Variants in ATP8A1 observed in about 807,000 individuals in gnomAD.
The protein encoded by ATP8A1 is ATPase phospholipid transporting 8A1.
ATP8A1 carries 90 observed loss-of-function variants against 177.7 expected under a neutral mutation model. The observed-to-expected ratio is 0.51, with a 90% CI of 0.43 to 0.60. The LOEUF is 0.60. ATP8A1 is among the 20% of genes least tolerant of loss of function. The pLI, the probability that ATP8A1 is intolerant of heterozygous loss-of-function variation, is 0.00. For missense variants in ATP8A1, 1,072 were observed against 1,392.8 expected (o/e 0.77, Z 3.67); for synonymous variants, 493 against 485.9 (o/e 1.01, Z -0.19).
intron 22 of ATP8A1, among the ~76,000 whole-genome samples, chr4:42,509,827 G>A (rs1724816179): frequency 6.9e-6 from 1 of 144,014 alleles, no homozygotes; most frequent in Admixed American, 7.2e-5. Context: ...ACTCCAGCCT[G>A]GGCAACAGAG....
At chr4:42,553,827 A>G (rs113704361) in intron 16 of ATP8A1, among the ~76,000 whole-genome samples, 4,297 of 152,278 alleles carry the variant, frequency 0.028, 191 homozygotes, top group African/African-American at 0.098. Context: ...GAATATGCAA[A>G]TATCATGTAA....
intron 20 of ATP8A1, among the ~76,000 whole-genome samples, chr4:42,530,987 A>C (rs533008498): frequency 2.9e-4 from 44 of 152,170 alleles, no homozygotes; most frequent in Non-Finnish European, 4.6e-4. Context: ...CACAACAATG[A>C]TTCAATTAAA....
rs1712648112 is a variant in ATP8A1 at position 42,411,809 on chromosome 4, C to T, written c.*1107G>A. 6.6e-6 allele frequency: 1 copy of T among 152,098 alleles called. No homozygotes were observed. The highest frequency in any genetic ancestry group is 1.5e-5 in the Non-Finnish European group (1 of 68,024). 9.4% of individuals were successfully genotyped at this position (152,098 alleles called of 1,614,324 possible). ...TTTTGGGAACTATTTGATGAGTGAA[C>T]TGTGAAATAATTTTCAGTCTTCAGT... On this transcript the variant is annotated 3_prime_UTR_variant, in exon 37 of 37. Transcript: ENST00000381668.
At chr4:42,519,282 G>A (rs561913093) in intron 22 of ATP8A1, among the ~76,000 whole-genome samples, 1 of 152,104 alleles carries the variant, frequency 6.6e-6, no homozygotes, top group Admixed American at 6.6e-5. Flanking sequence ...TACAGAGATG[G>A]AGTCTCCCCC....
chr4:42,432,311 T>A (rs10938191), intron 33 of ATP8A1, among the ~76,000 whole-genome samples: 2 of 152,024 alleles, frequency 1.3e-5, no homozygotes, highest in South Asian at 4.2e-4. Flanking sequence ...AATATTAATA[T>A]CTATATTTTT....
At chr4:42,485,745 G>T in intron 24 of ATP8A1, 77 bp from the exon 25 acceptor site, 1 of 1,229,390 alleles carries the variant, frequency 8.1e-7, no homozygotes, top group Non-Finnish European at 1.1e-6. Context: ...AGGATATTTG[G>T]CAACTACATT....
intron 8 of ATP8A1, among the ~76,000 whole-genome samples, chr4:42,587,700 G>A (rs1228968533): frequency 3.3e-5 from 5 of 150,964 alleles, no homozygotes; most frequent in Non-Finnish European, 7.4e-5. Context: ...TCCGCCTCCC[G>A]GGTTCACGCC....
chr4:42,464,945 C>G lies in ATP8A1; in HGVS notation c.2456G>C (p.Ser819Thr). ...IQTAHVGVGI[S>T]GNEGLQAANS... ...AGCTGCCTGCAGGCCTTCATTGCCACTGATACCAACACCAACGTGCGCTGT... is the reference window on the plus strand; with the variant it reads ...AGCTGCCTGCAGGCCTTCATTGCCAGTGATACCAACACCAACGTGCGCTGT... Residue 819 changes from serine to threonine, a missense_variant, in exon 26 of 37, where the codon AGT (serine) becomes ACT (threonine). By Grantham distance (58) the Ser-to-Thr change is moderately conservative. This residue lies in a region of ATP8A1 where 316 missense variants were observed against 459.1 expected (regional missense o/e 0.69). Transcript: ENST00000381668. 1 of 1,614,242 alleles carries G rather than the reference C, an allele frequency of 6.2e-7. No individual in the cohort carries two copies. The highest frequency in any genetic ancestry group is 8.5e-7 in the Non-Finnish European group (1 of 1,180,040).
intron 35 of ATP8A1, among the ~76,000 whole-genome samples, chr4:42,417,683 A>C (rs1713402214): frequency 6.6e-6 from 1 of 152,248 alleles, no homozygotes; most frequent in South Asian, 2.1e-4. Context: ...GGAAACTTGA[A>C]GAGGAATAAA....
chr4:42,631,612 A>G (rs1738744405), intron 1 of ATP8A1, among the ~76,000 whole-genome samples: 1 of 152,242 alleles, frequency 6.6e-6, no homozygotes, highest in Non-Finnish European at 1.5e-5. Flanking sequence ...AGGCCATGAT[A>G]CTTCAAGTCT....
intron 1 of ATP8A1, among the ~76,000 whole-genome samples, chr4:42,635,762 C>A (rs2612517): frequency 1.3e-5 from 1 of 76,316 alleles, no homozygotes; most frequent in Non-Finnish European, 2.6e-5. Context: ...TATACACACA[C>A]ACACACACAC....
intron 5 of ATP8A1, among the ~76,000 whole-genome samples, chr4:42,614,448 A>T (rs1236067513): frequency 1.3e-5 from 2 of 152,244 alleles, no homozygotes; most frequent in Non-Finnish European, 2.9e-5. Flanking sequence ...TGCCAAAAAT[A>T]CCAGGCTTGA....
intron 14 of ATP8A1, among the ~76,000 whole-genome samples, chr4:42,572,859 C>G (rs1732045738): frequency 6.6e-6 from 1 of 152,138 alleles, no homozygotes; most frequent in South Asian, 2.1e-4. Flanking sequence ...ATGGTAAATT[C>G]TAGACAAAGC....
chr4:42,444,434 C>T (rs554824411), intron 32 of ATP8A1, 144 bp downstream of exon 32: 4 of 720,386 alleles, frequency 5.6e-6, no homozygotes, highest in African/African-American at 1.8e-5. Context: ...CTTCCCCTAC[C>T]CCTGACACCC....
chr4:42,646,872 A>G (rs1740592503), intron 1 of ATP8A1, among the ~76,000 whole-genome samples: 1 of 152,218 alleles, frequency 6.6e-6, no homozygotes. Flanking sequence ...TAATCCATGA[A>G]GCCAAGTTCT....
chr4:42,515,293 G>C (rs944785788), intron 22 of ATP8A1, among the ~76,000 whole-genome samples: 1 of 152,222 alleles, frequency 6.6e-6, no homozygotes, highest in African/African-American at 2.4e-5. Flanking sequence ...TAGCACAAAT[G>C]AAAGTGATAT....
Position 42,579,978 on chromosome 4 carries a change from T to A in ATP8A1, c.835A>T (p.Asn279Tyr), listed in dbSNP as rs779268821. Residue 279 changes from asparagine to tyrosine, a missense_variant and splice_region_variant, in exon 11 of 37, where the codon AAT becomes TAT. Physicochemically the swap from Asn to Tyr is moderately radical, Grantham distance 143 (BLOSUM62 -2). Around this residue, in one of 5 missense-constraint regions of ATP8A1, gnomAD observed 344 missense variants for 393.5 expected, o/e 0.87. Transcript: ENST00000381668. ...YTGHDTKLMQ[N>Y]STSPPLKLSN... Reference sequence around the variant, plus strand: ...AGCTTAAGTGGTGGACTTGTTGAATTCTGTAAAAAGAAACAAGATGAGTAA... The same window carrying A: ...AGCTTAAGTGGTGGACTTGTTGAATACTGTAAAAAGAAACAAGATGAGTAA... 6.3e-7 allele frequency: 1 copy of A among 1,593,838 alleles called. No individual in the cohort carries two copies.
chr4:42,640,373 T>A (rs1739851608), intron 1 of ATP8A1, among the ~76,000 whole-genome samples: 1 of 152,212 alleles, frequency 6.6e-6, no homozygotes, highest in Non-Finnish European at 1.5e-5. Context: ...CTAAAAAAGG[T>A]CCTTTACATT....
intron 25 of ATP8A1, among the ~76,000 whole-genome samples, chr4:42,478,117 G>C (rs5028896): frequency 0.068 from 10,290 of 152,156 alleles, 1,120 homozygotes; most frequent in African/African-American, 0.23. Context: ...CCCTTTGGGA[G>C]ACTGAGGCAG....
Sources: allele counts gnomAD v4.1 joint callset (sites outside exome capture counted in the v4.1 genomes callset), GRCh38; gene constraint gnomAD v4.1.1; regional missense constraint gnomAD v4.1.1; transcripts MANE v1.5; gene names NCBI Gene and HGNC (gene_info 2026-07-23, HGNC 2026-07-21).